The following OTUD7A variants were observed in gnomAD, a reference collection of about 807,000 sequenced individuals.
The protein encoded by OTUD7A is OTU deubiquitinase 7A, also known as OTU domain-containing protein 7A.
A neutral mutation model predicts 65.7 loss-of-function variants in OTUD7A; 12 were observed. The observed-to-expected ratio is 0.18, with a 90% CI of 0.12 to 0.30. The LOEUF (loss-of-function observed/expected upper bound fraction) is 0.30. OTUD7A is among the 10% of genes least tolerant of loss of function. The pLI, the probability that OTUD7A is intolerant of heterozygous loss-of-function variation, is 1.00. For missense variants in OTUD7A, 1,148 were observed against 1,304.8 expected (o/e 0.88, Z 1.85); for synonymous variants, 641 against 586.3 (o/e 1.09, Z -1.35).
At chr15:31,658,619 C>A (rs576590848) in intron 1 of OTUD7A, among the ~76,000 whole-genome samples, 1 of 152,152 alleles carries the variant, frequency 6.6e-6, no homozygotes, top group African/African-American at 2.4e-5. Flanking sequence ...CAGAGACCAA[C>A]TGCTGGATTT....
At chr15:31,677,289 G>T (rs1283079536) in intron 1 of OTUD7A, among the ~76,000 whole-genome samples, 1 of 152,150 alleles carries the variant, frequency 6.6e-6, no homozygotes, top group African/African-American at 2.4e-5. Context: ...CTGGCACATG[G>T]CAAGAAATAA....
chr15:31,724,696 G>C (rs543544732), intron 1 of OTUD7A, among the ~76,000 whole-genome samples: 23 of 152,254 alleles, frequency 1.5e-4, no homozygotes, highest in Non-Finnish European at 2.8e-4. Flanking sequence ...CAGAATACAA[G>C]GGCAGGAGTG....
chr15:31,784,657 G>A (rs76314957), intron 1 of OTUD7A, among the ~76,000 whole-genome samples: 1 of 152,120 alleles, frequency 6.6e-6, no homozygotes, highest in East Asian at 1.9e-4. Context: ...GAATGTAAGG[G>A]AACCTGACAT....
At chr15:31,852,945 G>A (rs1255705551) in intron 1 of OTUD7A, among the ~76,000 whole-genome samples, 1 of 152,214 alleles carries the variant, frequency 6.6e-6, no homozygotes, top group Non-Finnish European at 1.5e-5. Flanking sequence ...ACCAGGACCA[G>A]GCAGTATACA....
chr15:31,843,376 C>A (rs1248094308), intron 1 of OTUD7A, among the ~76,000 whole-genome samples: 3 of 149,710 alleles, frequency 2.0e-5, no homozygotes, highest in Non-Finnish European at 4.4e-5. Context: ...TTAACACAGT[C>A]AGTCTTCTTG....
intron 1 of OTUD7A, among the ~76,000 whole-genome samples, chr15:31,737,947 A>T (rs1487685044): frequency 4.6e-5 from 7 of 152,214 alleles, no homozygotes; most frequent in African/African-American, 1.7e-4. Context: ...ATGTTCATAA[A>T]TGTATAGGTG....
At chr15:31,729,361 T>C (rs1054477679) in intron 1 of OTUD7A, among the ~76,000 whole-genome samples, 1 of 152,202 alleles carries the variant, frequency 6.6e-6, no homozygotes. Context: ...TCTGTAATAA[T>C]AACTCTGACA....
At chr15:31,835,038 G>T (rs185248685) in intron 1 of OTUD7A, among the ~76,000 whole-genome samples, 1 of 152,286 alleles carries the variant, frequency 6.6e-6, no homozygotes, top group East Asian at 1.9e-4. Context: ...AGCACCAGTG[G>T]AAAAAATTAA....
chr15:31,676,916 G>C (rs1330858375), intron 1 of OTUD7A, among the ~76,000 whole-genome samples: 2 of 152,246 alleles, frequency 1.3e-5, no homozygotes, highest in Non-Finnish European at 2.9e-5. Context: ...GTGTGCCAGA[G>C]AAAAGTATAG....
chr15:31,702,965 C>A (rs1330213267), intron 1 of OTUD7A, among the ~76,000 whole-genome samples: 1 of 151,492 alleles, frequency 6.6e-6, no homozygotes, highest in Non-Finnish European at 1.5e-5. Flanking sequence ...GAAAAAGCAA[C>A]TTGACAGAGG....
chr15:31,584,157 C>T (rs771067523), intron 3 of OTUD7A, among the ~76,000 whole-genome samples: 1 of 152,224 alleles, frequency 6.6e-6, no homozygotes, highest in African/African-American at 2.4e-5. Flanking sequence ...TAATTCTCAG[C>T]TCCAGGTATA....
chr15:31,728,389 T>C (rs1224267048), intron 1 of OTUD7A, among the ~76,000 whole-genome samples: 1 of 152,156 alleles, frequency 6.6e-6, no homozygotes, highest in African/African-American at 2.4e-5. Context: ...CCCACCTCAA[T>C]CCATTTTCCG....
intron 1 of OTUD7A, among the ~76,000 whole-genome samples, chr15:31,809,369 C>T (rs773480606): frequency 4.6e-5 from 7 of 152,246 alleles, no homozygotes; most frequent in East Asian, 3.9e-4. Flanking sequence ...CTGGCTTGAG[C>T]GGTAGTGGTG....
rs951186436 is a variant in OTUD7A, at chr15:31,831,548, C to T, written c.-100+38959G>A. 7.9e-5 allele frequency among the ~76,000 whole-genome samples: 12 copies of T among 152,198 alleles called. 1 individual carries two copies. The highest frequency in any genetic ancestry group is 2.6e-4 in the Admixed American group (4 of 15,282). On this transcript the variant is annotated intron_variant, in intron 1 of 12. Coordinates refer to ENST00000307050, the MANE Select transcript of OTUD7A (RefSeq NM_001382637.1). ...TGCCAGTGCCAAATGCTGGTGAGGA[C>T]GCCCAGTGCCCAGAACCCTCAGACC... is the stretch of plus-strand genomic sequence containing the variant.
intron 1 of OTUD7A, among the ~76,000 whole-genome samples, chr15:31,861,901 CCT>C (rs1160762478): frequency 2.0e-5 from 3 of 152,206 alleles, no homozygotes; most frequent in Non-Finnish European, 4.4e-5. Context: ...CACAGACACC[CCT>C]GTGTCCTTCA....
chr15:31,620,728 C>T (rs1890753107), intron 3 of OTUD7A, among the ~76,000 whole-genome samples: 1 of 107,694 alleles, frequency 9.3e-6, no homozygotes, highest in African/African-American at 5.9e-5. Flanking sequence ...CTCCTGGATT[C>T]ATTAATTTTT....
chr15:31,694,657 C>G (rs1172179311), intron 1 of OTUD7A, among the ~76,000 whole-genome samples: 1 of 152,186 alleles, frequency 6.6e-6, no homozygotes, highest in African/African-American at 2.4e-5. Flanking sequence ...CACCATTCTG[C>G]TCTCTGCTTC....
intron 1 of OTUD7A, among the ~76,000 whole-genome samples, chr15:31,659,567 A>C (rs1892098629): frequency 6.6e-6 from 1 of 152,278 alleles, no homozygotes; most frequent in African/African-American, 2.4e-5. Context: ...GAGGAACAAA[A>C]TGTCAGCCTT....
At chr15:31,747,228 A>G (rs964687277) in intron 1 of OTUD7A, among the ~76,000 whole-genome samples, 6 of 152,178 alleles carry the variant, frequency 3.9e-5, no homozygotes, top group African/African-American at 1.4e-4. Context: ...GAAAGTATCA[A>G]TATAAGTTCT....
Sources: gnomAD v4.1 joint callset for allele counts (sites outside exome capture counted in the v4.1 genomes callset) on GRCh38, gnomAD v4.1.1 for gene constraint, MANE v1.5 for transcripts, NCBI Gene and HGNC (gene_info 2026-07-23, HGNC 2026-07-21) for gene names.